CPA6: variants seen among roughly 807,000 people sequenced by gnomAD.
CPA6 encodes the protein carboxypeptidase A6, also known as carboxypeptidase B.
In CPA6, 58 loss-of-function variants were observed where a neutral mutation model predicts 63.3. That is an observed-to-expected ratio of 0.92 (90% confidence interval 0.74 to 1.14). The LOEUF is 1.14. CPA6 is among the 50% of genes most tolerant of loss of function. The probability of loss-of-function intolerance (pLI) is 0.00; values close to 1 mark genes in which losing one functional copy is unlikely to be tolerated. For missense variants in CPA6, 565 were observed against 526.6 expected (o/e 1.07, Z -0.71); for synonymous variants, 185 against 179.0 (o/e 1.03, Z -0.27).
intron 8 of CPA6, among the ~76,000 whole-genome samples, chr8:67,436,968 T>G (rs1480801507): frequency 2.6e-5 from 4 of 152,108 alleles, no homozygotes; most frequent in Non-Finnish European, 5.9e-5. Flanking sequence ...GGACCGTAAG[T>G]GTAGTTCATG....
At chr8:67,523,222 C>G (rs1345193736) in intron 2 of CPA6, among the ~76,000 whole-genome samples, 1 of 152,066 alleles carries the variant, frequency 6.6e-6, no homozygotes, top group Non-Finnish European at 1.5e-5. Flanking sequence ...TACATACACA[C>G]AAAGTACCTA....
chr8:67,455,047 C>CA (rs1212692882), intron 8 of CPA6, among the ~76,000 whole-genome samples: 2 of 151,622 alleles, frequency 1.3e-5, no homozygotes, highest in African/African-American at 4.8e-5. Context: ...GGAGGGAGCT[C>CA]AAAAAAATAC....
intron 1 of CPA6, among the ~76,000 whole-genome samples, chr8:67,645,483 G>A (rs1815694318): frequency 6.6e-6 from 1 of 152,150 alleles, no homozygotes. Flanking sequence ...ATTTAAGAAG[G>A]AAAAGGGTTG....
At chr8:67,554,585 T>C (rs1039631549) in intron 2 of CPA6, among the ~76,000 whole-genome samples, 1 of 152,186 alleles carries the variant, frequency 6.6e-6, no homozygotes, top group Non-Finnish European at 1.5e-5. Flanking sequence ...CGATAGTCTG[T>C]CTGCAAGCTG....
chr8:67,657,421 T>C (rs1181198431), intron 1 of CPA6, among the ~76,000 whole-genome samples: 1 of 152,162 alleles, frequency 6.6e-6, no homozygotes, highest in Non-Finnish European at 1.5e-5. Flanking sequence ...AATATCTGTG[T>C]TATAAACCTA....
intron 1 of CPA6, among the ~76,000 whole-genome samples, chr8:67,660,322 G>T (rs1321207394): frequency 2.7e-5 from 2 of 73,908 alleles, no homozygotes; most frequent in Non-Finnish European, 4.6e-5. Flanking sequence ...ATTATTGCAG[G>T]TTTTTTTTTT....
chr8:67,500,274 T>G (rs1322297083), intron 6 of CPA6, among the ~76,000 whole-genome samples: 1 of 152,212 alleles, frequency 6.6e-6, no homozygotes, highest in African/African-American at 2.4e-5. Context: ...TAGCTCACTG[T>G]GGCTTTAATT....
chr8:67,689,440 A>G (rs1176127655), intron 1 of CPA6, among the ~76,000 whole-genome samples: 1 of 152,140 alleles, frequency 6.6e-6, no homozygotes, highest in Non-Finnish European at 1.5e-5. Context: ...TCCACACTCC[A>G]GTGGTTCCCA....
At chr8:67,572,216 G>C (rs900347385) in intron 2 of CPA6, among the ~76,000 whole-genome samples, 2 of 152,180 alleles carry the variant, frequency 1.3e-5, no homozygotes, top group African/African-American at 4.8e-5. Flanking sequence ...TTTGAATATG[G>C]TTTGTTTATT....
chr8:67,655,663 C>T (rs1465203341), intron 1 of CPA6, among the ~76,000 whole-genome samples: 6 of 152,016 alleles, frequency 3.9e-5, no homozygotes, highest in African/African-American at 1.4e-4. Context: ...ATTCTGGGGC[C>T]CTTTCAGAAG....
At chr8:67,677,075 G>A (rs1201841514) in intron 1 of CPA6, among the ~76,000 whole-genome samples, 1 of 152,170 alleles carries the variant, frequency 6.6e-6, no homozygotes, top group Non-Finnish European at 1.5e-5. Flanking sequence ...TCACATTTAG[G>A]TCATCTGTTA....
At chr8:67,461,903 C>T (rs1465616144) in intron 8 of CPA6, among the ~76,000 whole-genome samples, 3 of 152,146 alleles carry the variant, frequency 2.0e-5, no homozygotes, top group African/African-American at 7.2e-5. Flanking sequence ...GTTTTACTAA[C>T]ACAAACAAAT....
intron 1 of CPA6, among the ~76,000 whole-genome samples, chr8:67,683,262 C>G (rs1285982298): frequency 1.3e-5 from 2 of 152,250 alleles, no homozygotes; most frequent in African/African-American, 4.8e-5. Context: ...GCTACTCCAT[C>G]TTGGTCAGAA....
At chr8:67,427,928 T>C in intron 10 of CPA6, 119 bp downstream of exon 10, 1 of 633,936 alleles carries the variant, frequency 1.6e-6, no homozygotes, top group African/African-American at 1.9e-5. Context: ...CTCAGCTAAT[T>C]TGATAGTCAA....
chr8:67,632,133 C>A (rs914044628), intron 1 of CPA6, among the ~76,000 whole-genome samples: 1 of 145,552 alleles, frequency 6.9e-6, no homozygotes, highest in African/African-American at 2.6e-5. Flanking sequence ...TTTTGTAAAC[C>A]TTTAAAAAAT....
rs763617036 is a variant in CPA6 at position 67,430,859 on chromosome 8, T to C, written c.1042-2728A>G. Among the ~76,000 whole-genome samples, 10 of 152,220 alleles carry C rather than the reference T, an allele frequency of 6.6e-5. No homozygotes were observed. The South Asian group carries it at 1.5e-3, about 22-fold the overall frequency. ...GTCCATGGGGAAGCAAATTCATCTT[T>C]TTTTTTTCTTTCCTTTCTTTGAGAC... On this transcript the variant is annotated intron_variant, in intron 9 of 10. Transcript: ENST00000297770.
At chr8:67,695,176 C>T (rs536137999) in intron 1 of CPA6, among the ~76,000 whole-genome samples, 1 of 152,208 alleles carries the variant, frequency 6.6e-6, no homozygotes, top group Non-Finnish European at 1.5e-5. Context: ...AGTCTCTTTC[C>T]CTAGCCACTC....
intron 2 of CPA6, among the ~76,000 whole-genome samples, chr8:67,524,973 A>G (rs1031940241): frequency 1.3e-5 from 2 of 152,194 alleles, no homozygotes; most frequent in Non-Finnish European, 2.9e-5. Context: ...TTACAGTACT[A>G]TATTGTTTTC....
chr8:67,532,637 A>G (rs1408575241), intron 2 of CPA6, among the ~76,000 whole-genome samples: 2 of 152,160 alleles, frequency 1.3e-5, no homozygotes, highest in South Asian at 2.1e-4. Context: ...TGAGCACTCC[A>G]GCCTGGGCAA....
Sources: allele counts gnomAD v4.1 joint callset (sites outside exome capture counted in the v4.1 genomes callset), GRCh38; gene constraint gnomAD v4.1.1; transcripts MANE v1.5; gene names NCBI Gene and HGNC (gene_info 2026-07-23, HGNC 2026-07-21).